Variants in TTC28 observed in about 807,000 individuals in gnomAD.
TTC28 encodes tetratricopeptide repeat protein 28.
A neutral mutation model predicts 198.0 loss-of-function variants in TTC28; 61 were observed. The ratio of observed to expected loss-of-function variants is 0.31; its 90% CI spans 0.25 to 0.38. TTC28 has a LOEUF of 0.38. TTC28 is among the 10% of genes least tolerant of loss of function. The probability of loss-of-function intolerance (pLI) is 1.00; values close to 1 mark genes in which losing one functional copy is unlikely to be tolerated. For synonymous variants in TTC28, 1,171 were observed against 1,297.8 expected (o/e 0.90, Z 2.10); for missense variants, 2,678 against 3,164.0 (o/e 0.85, Z 3.69).
intron 5 of TTC28, among the ~76,000 whole-genome samples, chr22:28,189,993 T>C (rs1341974570): frequency 6.6e-6 from 1 of 152,238 alleles, no homozygotes; most frequent in Non-Finnish European, 1.5e-5. Flanking sequence ...TAGAGCATTG[T>C]GCTGGGCACT....
intron 2 of TTC28, among the ~76,000 whole-genome samples, chr22:28,536,734 C>A (rs1470503403): frequency 1.3e-5 from 2 of 152,184 alleles, no homozygotes; most frequent in South Asian, 4.1e-4. Context: ...ATTCTCTGAT[C>A]TATGACTTAT....
intron 6 of TTC28, among the ~76,000 whole-genome samples, chr22:28,121,578 G>C (rs1942788009): frequency 6.6e-6 from 1 of 152,132 alleles, no homozygotes; most frequent in Non-Finnish European, 1.5e-5. Flanking sequence ...GAATTATTGA[G>C]ATTGTATAGC....
intron 2 of TTC28, among the ~76,000 whole-genome samples, chr22:28,502,647 CA>C (rs369120193): frequency 8.6e-4 from 122 of 141,980 alleles, no homozygotes; most frequent in African/African-American, 2.0e-3. Context: ...GGCTCCGTCT[CA>C]AAAAAAAAAA....
Position 28,107,985 on chromosome 22 carries a change from G to A in TTC28, c.1860C>T (p.Tyr620=), listed in dbSNP as rs897275956. The A allele has an allele frequency of 3.2e-6, 5 of 1,551,606 alleles. No individual in the cohort carries two copies. The highest frequency in any genetic ancestry group is 4.4e-6 in the Non-Finnish European group (5 of 1,146,974). ...CTTGAAGGTCGGGAGCAAGCCGGAG[G>A]TACTGTTCATAATAGGGGGCAGCCT... ...YVQAAPYYEQ[Y]LRLAPDLQDM... Residue 620 remains tyrosine (Y), a synonymous_variant, in exon 7 of 23, where the codon TAC becomes TAT. Coordinates refer to ENST00000397906, the MANE Select transcript of TTC28 (RefSeq NM_001145418.2).
intron 5 of TTC28, among the ~76,000 whole-genome samples, chr22:28,238,737 G>A (rs1278818124): frequency 6.6e-6 from 1 of 152,116 alleles, no homozygotes; most frequent in Non-Finnish European, 1.5e-5. Context: ...CAACTCCCAG[G>A]TAGTTGTTCT....
intron 2 of TTC28, among the ~76,000 whole-genome samples, chr22:28,310,444 T>C (rs2145820286): frequency 6.6e-6 from 1 of 152,266 alleles, no homozygotes; most frequent in Non-Finnish European, 1.5e-5. Context: ...GCTAAATAAG[T>C]GAAACAGTAA....
chr22:28,402,333 T>C (rs1370687877), intron 2 of TTC28, among the ~76,000 whole-genome samples: 2 of 152,246 alleles, frequency 1.3e-5, no homozygotes, highest in Non-Finnish European at 2.9e-5. Flanking sequence ...AGCACTGTTA[T>C]TTTATAAAGC....
At chr22:28,458,206 A>G (rs564162739) in intron 2 of TTC28, among the ~76,000 whole-genome samples, 2 of 152,304 alleles carry the variant, frequency 1.3e-5, no homozygotes, top group East Asian at 3.9e-4. Flanking sequence ...CTTAGAGTAC[A>G]ATCCAAAATA....
At chr22:28,604,297 T>TACA (rs1053139903) in intron 2 of TTC28, among the ~76,000 whole-genome samples, 13 of 114,118 alleles carry the variant, frequency 1.1e-4, no homozygotes, top group African/African-American at 4.6e-4. Flanking sequence ...AAAAAAAAAA[T>TACA]TATATATATA....
intron 5 of TTC28, among the ~76,000 whole-genome samples, chr22:28,163,848 T>C (rs902750909): frequency 5.9e-5 from 9 of 152,156 alleles, no homozygotes; most frequent in African/African-American, 2.2e-4. Flanking sequence ...CGGCGAGGCA[T>C]TGCCTCACCT....
intron 5 of TTC28, among the ~76,000 whole-genome samples, chr22:28,233,427 T>C (rs134179): frequency 0.76 from 115,932 of 152,098 alleles, 44,363 homozygotes; most frequent in South Asian, 0.85. Flanking sequence ...TTTATTAATG[T>C]ATTATTTATA....
intron 14 of TTC28, among the ~76,000 whole-genome samples, chr22:28,008,923 G>C (rs1024970040): frequency 5.3e-5 from 8 of 152,220 alleles, no homozygotes; most frequent in Non-Finnish European, 1.0e-4. Flanking sequence ...GCAAGAAGCA[G>C]GGAAGTCCAG....
intron 13 of TTC28, among the ~76,000 whole-genome samples, chr22:28,017,839 C>G (rs1938432119): frequency 6.6e-6 from 1 of 152,140 alleles, no homozygotes; most frequent in Non-Finnish European, 1.5e-5. Context: ...CCCCCCATCC[C>G]CAGGGCTAAC....
At chr22:28,209,730 A>G (rs1926742229) in intron 5 of TTC28, among the ~76,000 whole-genome samples, 1 of 152,184 alleles carries the variant, frequency 6.6e-6, no homozygotes, top group South Asian at 2.1e-4. Context: ...AGCTGAACAA[A>G]AGGCAGCAGA....
At chr22:28,530,932 C>T (rs867517205) in intron 2 of TTC28, among the ~76,000 whole-genome samples, 65 of 152,282 alleles carry the variant, frequency 4.3e-4, no homozygotes, top group African/African-American at 1.3e-3. Context: ...AAGGAACAAC[C>T]GGTACCAGCC....
intron 2 of TTC28, among the ~76,000 whole-genome samples, chr22:28,441,984 C>G (rs939843426): frequency 6.6e-6 from 1 of 151,920 alleles, no homozygotes; most frequent in African/African-American, 2.4e-5. Context: ...GGAGCCCTAG[C>G]CAAATGTACA....
Position 28,005,135 on chromosome 22 carries a change from G to C in TTC28, c.4219-3582C>G. Reference sequence around the variant, plus strand: ...GCACTAGAATCTGTCTCTTCCCCAGGGGTGCCGCCCTGCGCTCTCACCAAG... The same window carrying C: ...GCACTAGAATCTGTCTCTTCCCCAGCGGTGCCGCCCTGCGCTCTCACCAAG... On this transcript the variant is annotated intron_variant, in intron 14 of 22. Coordinates refer to ENST00000397906, the MANE Select transcript of TTC28 (RefSeq NM_001145418.2). This position sits in a 1 kb window ranked among gnomAD's most constrained non-coding sequence, Gnocchi z 4.9. 6.6e-6 allele frequency among the ~76,000 whole-genome samples: 1 copy of C among 152,182 alleles called. No individual in the cohort carries two copies. Among genetic ancestry groups the C allele is most frequent in the East Asian group, 1.9e-4 (1 of 5,188 alleles).
intron 2 of TTC28, among the ~76,000 whole-genome samples, chr22:28,400,342 T>A (rs1337550921): frequency 6.6e-6 from 1 of 152,190 alleles, no homozygotes; most frequent in Non-Finnish European, 1.5e-5. Context: ...TTTCAAAGAG[T>A]GCCAGGACTC....
intron 6 of TTC28, among the ~76,000 whole-genome samples, chr22:28,136,361 G>A (rs1943199779): frequency 6.6e-6 from 1 of 152,026 alleles, no homozygotes; most frequent in Non-Finnish European, 1.5e-5. Context: ...TGCCTAGGCT[G>A]GTCTCAAACT....
Sources: gnomAD v4.1 joint callset for allele counts (sites outside exome capture counted in the v4.1 genomes callset) on GRCh38, gnomAD v4.1.1 for gene constraint, Gnocchi (gnomAD v3.1) non-coding constraint, MANE v1.5 for transcripts, NCBI Gene and HGNC (gene_info 2026-07-23, HGNC 2026-07-21) for gene names.